Variants in ABCA4 observed in about 807,000 individuals in gnomAD.
ABCA4 encodes the protein ATP binding cassette subfamily A member 4, also known as retinal-specific phospholipid-transporting ATPase ABCA4.
A neutral mutation model predicts 263.7 loss-of-function variants in ABCA4; 196 were observed. That is an observed-to-expected ratio of 0.74 (90% CI 0.66 to 0.84). ABCA4 has a LOEUF of 0.84. Ranked by LOEUF, ABCA4 falls within the 40% of genes least tolerant of loss-of-function variation. The pLI, the probability that ABCA4 is intolerant of heterozygous loss-of-function variation, is 0.00. For missense variants in ABCA4, 2,792 were observed against 2,855.1 expected (o/e 0.98, Z 0.50); for synonymous variants, 1,133 against 1,094.2 (o/e 1.04, Z -0.70).
chr1:94,019,723 G>A lies in ABCA4; in HGVS notation c.5055C>T (p.Cys1685=), dbSNP rs749943475. ...TTSVDAVVAI[C]VIFSMSFVPA... ...GGACGAAGGACATGGAGAAAATCAC[G>A]CAGATGGCAACCACAGCATCCACTG... Residue 1685 remains cysteine, a synonymous_variant, in exon 36 of 50, where the codon TGC becomes TGT. Transcript: ENST00000370225. The A allele has an allele frequency of 2.8e-5, 45 of 1,613,310 alleles. No homozygotes were observed. In the Admixed American group the frequency reaches 5.5e-4, roughly 20 times the overall value.
rs1172983360 is a variant in ABCA4 at position 94,014,559 on chromosome 1, A to G, written c.5444T>C (p.Leu1815Ser). 1 of 1,614,244 alleles carries G rather than the reference A, an allele frequency of 6.2e-7. No individual in the cohort carries two copies. Among genetic ancestry groups the G allele is most frequent in the Admixed American group, 1.7e-5 (1 of 60,030 alleles). ...TATGCTCACCCGGTTATTCTCAAAT[A>G]ATTCCAAGATGAAGGTAATAGCACT... ...NSSAITFILE[L>S]FENNRTLLRF... The change falls in exon 38 of 50, where the codon TTA becomes TCA. Residue 1815 changes from leucine (L) to serine (S), a missense_variant. Physicochemically the swap from Leu to Ser is moderately radical, Grantham distance 145 (BLOSUM62 -2). Coordinates refer to ENST00000370225, the MANE Select transcript of ABCA4 (RefSeq NM_000350.3).
chr1:94,048,735 A>T, intron 18 of ABCA4, 133 bp downstream of exon 18: 1 of 845,428 alleles, frequency 1.2e-6, no homozygotes, highest in Non-Finnish European at 2.0e-6. Context: ...GATCTGGTTT[A>T]ACACTTGTCC....
At chr1:94,060,840 G>C in intron 13 of ABCA4, 81 bp from the exon 14 acceptor site, 1 of 1,198,322 alleles carries the variant, frequency 8.3e-7, no homozygotes, top group Non-Finnish European at 1.2e-6. Flanking sequence ...GAATGAATGT[G>C]TTGAGAACAA....
chr1:94,048,665 GC>G (rs1360719391), intron 18 of ABCA4, among the ~76,000 whole-genome samples: 8 of 152,332 alleles, frequency 5.3e-5, no homozygotes, highest in Non-Finnish European at 2.9e-5. Context: ...CAGGAAATAT[GC>G]GCTAATGTCT....
intron 6 of ABCA4, among the ~76,000 whole-genome samples, chr1:94,086,710 C>T (rs1661835537): frequency 6.6e-6 from 1 of 152,160 alleles, no homozygotes; most frequent in Non-Finnish European, 1.5e-5. Context: ...CTTTTTATAT[C>T]TTTTTCCTGA....
chr1:94,023,287 C>T, intron 32 of ABCA4, 99 bp downstream of exon 32: 1 of 998,880 alleles, frequency 1.0e-6, no homozygotes, highest in Non-Finnish European at 1.6e-6. Context: ...TACAGAACAG[C>T]CCCTCCTCAT....
chr1:94,035,565 C>T (rs901594758), intron 26 of ABCA4, among the ~76,000 whole-genome samples: 4 of 152,152 alleles, frequency 2.6e-5, no homozygotes, highest in African/African-American at 7.2e-5. Context: ...ATCTTAAGAG[C>T]TGATTCCAGA....
intron 6 of ABCA4, among the ~76,000 whole-genome samples, chr1:94,094,922 A>T (rs964250350): frequency 6.6e-6 from 1 of 152,144 alleles, no homozygotes; most frequent in Non-Finnish European, 1.5e-5. Context: ...CCCAAGTCTG[A>T]GCTTCTGGGT....
chr1:94,028,767 G>A (rs895826395), intron 30 of ABCA4, among the ~76,000 whole-genome samples: 2 of 151,740 alleles, frequency 1.3e-5, no homozygotes, highest in African/African-American at 4.8e-5. Context: ...AAAATTAGGC[G>A]GGCATGATGG....
At chr1:93,998,713 A>ATTTATTTTATTTTAT (rs374404349) in intron 47 of ABCA4, among the ~76,000 whole-genome samples, 1,593 of 133,694 alleles carry the variant, frequency 0.012, 55 homozygotes, top group African/African-American at 0.042. Flanking sequence ...ATTTTATTTT[A>ATTTATTTTATTTTAT]TTTATTTTAT....
intron 11 of ABCA4, among the ~76,000 whole-genome samples, chr1:94,074,970 A>G (rs944192817): frequency 2.6e-5 from 4 of 152,242 alleles, no homozygotes; most frequent in African/African-American, 9.6e-5. Context: ...ACCATAGAAT[A>G]CTATGCAGCC....
intron 5 of ABCA4, among the ~76,000 whole-genome samples, chr1:94,100,530 G>T (rs1289510214): frequency 1.3e-5 from 2 of 152,208 alleles, no homozygotes; most frequent in Non-Finnish European, 2.9e-5. Flanking sequence ...GTAGGGAAGA[G>T]GGAGAAGGCA....
chr1:94,037,618 G>A (rs902684562), intron 24 of ABCA4, among the ~76,000 whole-genome samples: 1 of 151,828 alleles, frequency 6.6e-6, no homozygotes, highest in Non-Finnish European at 1.5e-5. Context: ...GTTGGTGGGG[G>A]GGTCATGCAA....
At chr1:94,071,507 G>C (rs1203565137) in intron 11 of ABCA4, among the ~76,000 whole-genome samples, 1 of 152,206 alleles carries the variant, frequency 6.6e-6, no homozygotes, top group Non-Finnish European at 1.5e-5. Context: ...GGCAGCTCTG[G>C]ATTATAATTC....
chr1:94,042,455 A>G (rs1660518790), intron 22 of ABCA4, among the ~76,000 whole-genome samples: 1 of 152,226 alleles, frequency 6.6e-6, no homozygotes, highest in South Asian at 2.1e-4. Context: ...CTGGGTCCCC[A>G]TGGTCAGAGA....
At chr1:94,086,590 T>C (rs1661832909) in intron 6 of ABCA4, among the ~76,000 whole-genome samples, 1 of 152,048 alleles carries the variant, frequency 6.6e-6, no homozygotes, top group Non-Finnish European at 1.5e-5. Context: ...TTTACTTATA[T>C]AAAGTACAAG....
intron 24 of ABCA4, among the ~76,000 whole-genome samples, chr1:94,037,956 G>A (rs911515520): frequency 6.6e-6 from 1 of 152,184 alleles, no homozygotes; most frequent in African/African-American, 2.4e-5. Context: ...TCTGTCACCA[G>A]CTATGGGGGA....
intron 12 of ABCA4, among the ~76,000 whole-genome samples, 156 bp from the exon 13 acceptor site, chr1:94,062,909 TCA>T (rs1261415496): frequency 6.6e-6 from 1 of 152,214 alleles, no homozygotes; most frequent in African/African-American, 2.4e-5. Flanking sequence ...AGTTTAAATC[TCA>T]GTTTTGAATA....
chr1:94,087,904 G>A (rs1025733501), intron 6 of ABCA4, among the ~76,000 whole-genome samples: 2 of 152,126 alleles, frequency 1.3e-5, no homozygotes, highest in East Asian at 1.9e-4. Flanking sequence ...CTGAGGCTTC[G>A]CCAGCCCTTC....
Sources: allele counts gnomAD v4.1 joint callset (sites outside exome capture counted in the v4.1 genomes callset), GRCh38; gene constraint gnomAD v4.1.1; transcripts MANE v1.5; gene names NCBI Gene and HGNC (gene_info 2026-07-23, HGNC 2026-07-21).